TENM3: variants seen among roughly 807,000 people sequenced by gnomAD.
The protein encoded by TENM3 is teneurin-3.
A neutral mutation model predicts 255.1 loss-of-function variants in TENM3; 63 were observed. The observed-to-expected ratio is 0.25, with a 90% confidence interval of 0.20 to 0.30. TENM3 has a LOEUF of 0.30. Ranked by LOEUF, TENM3 falls within the 10% of genes least tolerant of loss-of-function variation. The probability of loss-of-function intolerance (pLI) is 1.00; values close to 1 mark genes in which losing one functional copy is unlikely to be tolerated. For missense variants in TENM3, 2,929 were observed against 3,461.1 expected (o/e 0.85, Z 3.86); for synonymous variants, 1,306 against 1,322.3 (o/e 0.99, Z 0.27).
the TENM3 span, among the ~76,000 whole-genome samples, chr4:181,452,452 T>C: frequency 1.3e-5 from 2 of 152,064 alleles, no homozygotes; most frequent in Non-Finnish European, 2.9e-5. Flanking sequence ...GCTGTTCTCA[T>C]GATAGTGAGT....
intron 3 of TENM3, among the ~76,000 whole-genome samples, chr4:182,389,453 C>T (rs2309658): frequency 0.058 from 8,722 of 150,812 alleles, 818 homozygotes; most frequent in African/African-American, 0.2. Flanking sequence ...AAAGTAATTC[C>T]GAAACCATTT....
the TENM3 span, among the ~76,000 whole-genome samples, chr4:182,110,927 T>C: frequency 6.6e-6 from 1 of 152,196 alleles, no homozygotes; most frequent in African/African-American, 2.4e-5. Flanking sequence ...ACTTTTAGAC[T>C]ATGATGTTGT....
intron 1 of TENM3, among the ~76,000 whole-genome samples, chr4:182,186,145 GTT>G (rs1010585378): frequency 6.6e-6 from 1 of 152,134 alleles, no homozygotes; most frequent in Admixed American, 6.5e-5. Context: ...TACAATGATT[GTT>G]TCATGTGTTC....
chr4:182,278,959 C>G (rs1760191310), intron 1 of TENM3, among the ~76,000 whole-genome samples: 1 of 152,222 alleles, frequency 6.6e-6, no homozygotes, highest in Non-Finnish European at 1.5e-5. Context: ...CGAGGGCTGC[C>G]AAGCTCTGGA....
chr4:182,781,198 A>G (rs1340226406), intron 24 of TENM3, among the ~76,000 whole-genome samples: 7 of 151,450 alleles, frequency 4.6e-5, no homozygotes, highest in South Asian at 2.1e-4. Context: ...TGGGTTTGTC[A>G]TAGATAGCTC....
At chr4:181,711,256 A>G in the TENM3 span, among the ~76,000 whole-genome samples, 106,691 of 152,124 alleles carry the variant, frequency 0.7, 38,973 homozygotes, top group East Asian at 0.83. Flanking sequence ...ATCTCTAGAA[A>G]AGGGGAAAAT....
chr4:182,228,949 T>C (rs905305061), intron 1 of TENM3, among the ~76,000 whole-genome samples: 1 of 152,198 alleles, frequency 6.6e-6, no homozygotes, highest in Non-Finnish European at 1.5e-5. Flanking sequence ...CCTACTGTCA[T>C]GGGGCATGTC....
At chr4:182,727,460 A>AAAAAAAAAAAG (rs1400901447) in intron 13 of TENM3, among the ~76,000 whole-genome samples, 3 of 151,902 alleles carry the variant, frequency 2.0e-5, no homozygotes, top group African/African-American at 7.2e-5. Flanking sequence ...AGTCTCAAAA[A>AAAAAAAAAAAG]AAAAGAAAGA....
chr4:182,503,725 G>T (rs1736541927), intron 3 of TENM3, among the ~76,000 whole-genome samples: 1 of 140,010 alleles, frequency 7.1e-6, no homozygotes, highest in Non-Finnish European at 1.6e-5. Context: ...CTGTGTAGCT[G>T]TGACACACCC....
chr4:181,785,785 T>C, the TENM3 span, among the ~76,000 whole-genome samples: 2 of 150,826 alleles, frequency 1.3e-5, no homozygotes, highest in Admixed American at 1.3e-4. Flanking sequence ...ATCCTGTATC[T>C]TTCTCTTTTT....
At chr4:182,040,385 A>G in the TENM3 span, among the ~76,000 whole-genome samples, 7 of 151,884 alleles carry the variant, frequency 4.6e-5, no homozygotes, top group Non-Finnish European at 8.8e-5. Flanking sequence ...CTACTCCTTT[A>G]CTCTTTCCCA....
the TENM3 span, among the ~76,000 whole-genome samples, chr4:181,635,690 G>A: frequency 1.2e-4 from 18 of 152,274 alleles, no homozygotes; most frequent in Middle Eastern, 3.4e-3. Flanking sequence ...TACCACTTCC[G>A]CTTTCAACCT....
the TENM3 span, among the ~76,000 whole-genome samples, chr4:181,584,621 A>G: frequency 6.3e-4 from 96 of 152,290 alleles, no homozygotes; most frequent in Middle Eastern, 3.4e-3. Flanking sequence ...CTACGGTCCT[A>G]CCCCTAAGTT....
In TENM3 at chr4:182,313,510, T is replaced by C. The variant is rs77831503; in HGVS notation, c.-75-10436T>C. The stretch of plus-strand genomic sequence containing the variant: ...ATTATCCATTTTAAATATATATATA[T>C]ACACACATGTTCATATATACATACA... On this transcript the variant is annotated intron_variant, in intron 1 of 27. Transcript: ENST00000511685. Among the ~76,000 whole-genome samples the C allele has an allele frequency of 7.0e-4, 107 of 152,174 alleles. 1 individual carries two copies. In the East Asian group the frequency reaches 0.019, roughly 28 times the overall value.
the TENM3 span, among the ~76,000 whole-genome samples, chr4:181,666,993 C>T: frequency 2.6e-5 from 4 of 152,290 alleles, no homozygotes; most frequent in East Asian, 7.7e-4. Flanking sequence ...TGTACAGATG[C>T]AGACATACTA....
intron 3 of TENM3, among the ~76,000 whole-genome samples, chr4:182,542,785 T>A (rs1479309333): frequency 6.6e-6 from 1 of 152,184 alleles, no homozygotes; most frequent in African/African-American, 2.4e-5. Flanking sequence ...TTCTATACAA[T>A]TTTTTATCCT....
At chr4:181,675,858 C>A in the TENM3 span, among the ~76,000 whole-genome samples, 3 of 151,872 alleles carry the variant, frequency 2.0e-5, no homozygotes, top group Non-Finnish European at 1.5e-5. Flanking sequence ...ATTAACTGCT[C>A]CAGTTTGAGT....
the TENM3 span, among the ~76,000 whole-genome samples, chr4:181,814,013 C>G: frequency 6.6e-6 from 1 of 151,940 alleles, no homozygotes; most frequent in Non-Finnish European, 1.5e-5. Flanking sequence ...ATATATACTA[C>G]CATAAAGGAA....
intron 3 of TENM3, among the ~76,000 whole-genome samples, chr4:182,447,684 G>C (rs956195417): frequency 2.0e-5 from 3 of 152,172 alleles, no homozygotes; most frequent in Admixed American, 1.3e-4. Flanking sequence ...AATATGGAAT[G>C]AGAGCTGATA....
Sources: gnomAD v4.1 joint callset for allele counts (sites outside exome capture counted in the v4.1 genomes callset) on GRCh38, gnomAD v4.1.1 for gene constraint, MANE v1.5 for transcripts, NCBI Gene and HGNC (gene_info 2026-07-23, HGNC 2026-07-21) for gene names.